CYP20A1: variants seen among roughly 807,000 people sequenced by gnomAD.
The protein encoded by CYP20A1 is cytochrome P450 20A1.
In CYP20A1, 61 loss-of-function variants were observed where a neutral mutation model predicts 61.4. That is an observed-to-expected ratio of 0.99 (90% CI 0.81 to 1.23). The LOEUF is 1.23. Among genes scored for constraint, CYP20A1 ranks in the 50% most tolerant of loss-of-function variants. CYP20A1 has a pLI of 0.00. For missense variants in CYP20A1, 530 were observed against 542.4 expected (o/e 0.98, Z 0.23); for synonymous variants, 193 against 188.2 (o/e 1.03, Z -0.21).
At chr2:203,261,390 T>A (rs943465189) in intron 4 of CYP20A1, among the ~76,000 whole-genome samples, 2 of 151,238 alleles carry the variant, frequency 1.3e-5, no homozygotes, top group African/African-American at 2.4e-5. Flanking sequence ...AGACCCTGTC[T>A]CTACAAAGAA....
intron 11 of CYP20A1, among the ~76,000 whole-genome samples, chr2:203,294,205 C>T (rs1375505745): frequency 6.6e-6 from 1 of 151,794 alleles, no homozygotes. Context: ...GACAGAATCT[C>T]GCTCTATTGC....
In CYP20A1 at chr2:203,305,017, A is replaced by G. The variant is rs1207459219; in HGVS notation, c.*8109A>G. ...TCAGGGAATAGGCTTTTTTAAAGGG[A>G]ATAGACTTATAGATCAATTTTAATA... On this transcript the variant is annotated 3_prime_UTR_variant, in exon 13 of 13. Coordinates refer to ENST00000356079, the MANE Select transcript of CYP20A1 (RefSeq NM_177538.3). 6.6e-6 allele frequency among the ~76,000 whole-genome samples: 1 copy of G among 152,104 alleles called. No individual in the cohort carries two copies. Among genetic ancestry groups the G allele is most frequent in the African/African-American group, 2.4e-5 (1 of 41,410 alleles).
chr2:203,245,024 G>A lies in CYP20A1; in HGVS notation c.73-822G>A, dbSNP rs1185110690. Among the ~76,000 whole-genome samples, 10 of 147,780 alleles carry A rather than the reference G, an allele frequency of 6.8e-5. No homozygotes were observed. In the East Asian group the frequency reaches 2.0e-3, roughly 29 times the overall value. Reference sequence around the variant, plus strand: ...TGGGATTACAGGCGTGAGCCACCACGCCCAGCCTTTTTTTTTTTTTTTTGA... The same window carrying A: ...TGGGATTACAGGCGTGAGCCACCACACCCAGCCTTTTTTTTTTTTTTTTGA... On this transcript the variant is annotated intron_variant, in intron 1 of 12. Coordinates refer to ENST00000356079, the MANE Select transcript of CYP20A1 (RefSeq NM_177538.3).
At position 203,299,786 on chromosome 2, in the gene CYP20A1, A is replaced by G. The variant is rs2068947339; in HGVS notation, c.*2878A>G. On this transcript the variant is annotated 3_prime_UTR_variant, in exon 13 of 13. Transcript: ENST00000356079. ...CTACTCGGGAGGCTGAAGCAGGAGAACTGCTTGAACCTGGGAGGCAGAGGT... is the reference window on the plus strand; with the variant it reads ...CTACTCGGGAGGCTGAAGCAGGAGAGCTGCTTGAACCTGGGAGGCAGAGGT... Among the ~76,000 whole-genome samples, 1 of 152,048 alleles carries G rather than the reference A, an allele frequency of 6.6e-6. No individual in the cohort carries two copies. Among genetic ancestry groups the G allele is most frequent in the Non-Finnish European group, 1.5e-5 (1 of 68,020 alleles).
At chr2:203,245,346 AATT>A (rs953739495) in intron 1 of CYP20A1, among the ~76,000 whole-genome samples, 14 of 143,524 alleles carry the variant, frequency 9.8e-5, no homozygotes, top group African/African-American at 1.3e-4. Flanking sequence ...TTTAAAAAAA[AATT>A]TTTTTTTTTT....
intron 8 of CYP20A1, among the ~76,000 whole-genome samples, chr2:203,284,193 CTTT>C (rs575552272): frequency 2.0e-5 from 3 of 151,906 alleles, no homozygotes; most frequent in African/African-American, 7.3e-5. Flanking sequence ...ATCAGGCAAA[CTTT>C]TTTTTATAAA....
rs1212380911 is a variant in CYP20A1 at position 203,304,584 on chromosome 2, A to G, written c.*7676A>G. On this transcript the variant is annotated 3_prime_UTR_variant, in exon 13 of 13. Coordinates refer to ENST00000356079, the MANE Select transcript of CYP20A1 (RefSeq NM_177538.3). ...TTATATTTTTCCCTGTTCCACATAC[A>G]TACATTTTTACATAGTACGTTCATT... 3.9e-5 allele frequency among the ~76,000 whole-genome samples: 6 copies of G among 152,166 alleles called. No individual in the cohort carries two copies. Among genetic ancestry groups the G allele is most frequent in the Non-Finnish European group, 5.9e-5 (4 of 68,038 alleles).
intron 1 of CYP20A1, 140 bp from the exon 2 acceptor site, chr2:203,245,706 T>C (rs1253002934): frequency 3.9e-6 from 2 of 511,522 alleles, no homozygotes; most frequent in African/African-American, 2.0e-5. Context: ...CCCCTTTTTT[T>C]GTATTTTAAT....
intron 4 of CYP20A1, among the ~76,000 whole-genome samples, chr2:203,253,788 G>T (rs191972598): frequency 1.5e-3 from 233 of 151,902 alleles, no homozygotes; most frequent in African/African-American, 5.0e-3. Flanking sequence ...AAAAAAATTT[G>T]TCTTTTTCTT....
intron 3 of CYP20A1, among the ~76,000 whole-genome samples, chr2:203,250,324 A>G (rs1204600703): frequency 6.6e-6 from 1 of 152,192 alleles, no homozygotes; most frequent in African/African-American, 2.4e-5. Context: ...ACAAATATTA[A>G]CTCATTTAAT....
intron 6 of CYP20A1, among the ~76,000 whole-genome samples, chr2:203,273,764 T>G (rs2067703192): frequency 6.6e-6 from 1 of 152,056 alleles, no homozygotes; most frequent in South Asian, 2.1e-4. Flanking sequence ...GCCAACATAG[T>G]GAAACCCTAC....
intron 3 of CYP20A1, among the ~76,000 whole-genome samples, chr2:203,247,940 T>C (rs904351452): frequency 4.6e-5 from 7 of 151,302 alleles, no homozygotes; most frequent in Non-Finnish European, 1.0e-4. Context: ...AAGAATCTTG[T>C]ATTGGCCAGG....
intron 5 of CYP20A1, 35 bp from the exon 6 acceptor site, chr2:203,272,634 AT>A: frequency 7.3e-7 from 1 of 1,367,496 alleles, no homozygotes; most frequent in Non-Finnish European, 1.0e-6. Context: ...AATTCTACCT[AT>A]TAGATAATAG....
In CYP20A1 at chr2:203,302,077, C is replaced by T. The variant is rs2069046900; in HGVS notation, c.*5169C>T. On this transcript the variant is annotated 3_prime_UTR_variant, in exon 13 of 13. Transcript: ENST00000356079. ...AGTAGCTGGGATTGCAAACATGTGC[C>T]ACCACACCTGGCTAATTTTTGTGTT... 2.6e-5 allele frequency among the ~76,000 whole-genome samples: 4 copies of T among 152,104 alleles called. No homozygotes were observed. The highest frequency in any genetic ancestry group is 2.6e-4 in the Admixed American group (4 of 15,256).
chr2:203,243,411 G>C (rs370393558), intron 1 of CYP20A1, among the ~76,000 whole-genome samples: 6 of 150,052 alleles, frequency 4.0e-5, no homozygotes, highest in African/African-American at 1.2e-4. Context: ...TTTTTTTTTA[G>C]ACAGAGTCTC....
chr2:203,289,676 G>A (rs193044497), intron 9 of CYP20A1, 89 bp from the exon 10 acceptor site: 32 of 556,164 alleles, frequency 5.8e-5, no homozygotes, highest in African/African-American at 5.7e-4. Flanking sequence ...GAATGTTTGA[G>A]CAGTTGTTGA....
chr2:203,274,707 T>C (rs1248391147), intron 6 of CYP20A1, among the ~76,000 whole-genome samples: 3 of 152,052 alleles, frequency 2.0e-5, no homozygotes, highest in Non-Finnish European at 1.5e-5. Flanking sequence ...AGCTTACTGT[T>C]TTAGTGATTT....
rs747576939 is a variant in CYP20A1 at position 203,296,942 on chromosome 2, T to C, written c.*34T>C. On this transcript the variant is annotated 3_prime_UTR_variant, in exon 13 of 13. Coordinates refer to ENST00000356079, the MANE Select transcript of CYP20A1 (RefSeq NM_177538.3). ...ACATTTAAAATCATTGTTAAATTGATTGAGGAAAACAACCATTTAAAAAAA... is the reference window on the plus strand; with the variant it reads ...ACATTTAAAATCATTGTTAAATTGACTGAGGAAAACAACCATTTAAAAAAA... 2.3e-6 allele frequency: 3 copies of C among 1,299,854 alleles called. No homozygotes were observed. Among genetic ancestry groups the C allele is most frequent in the East Asian group, 2.6e-5 (1 of 38,914 alleles). 80.5% of individuals were successfully genotyped at this position (1,299,854 alleles called of 1,614,324 possible).
In CYP20A1 at chr2:203,305,184, C is replaced by T. The variant is rs562608050; in HGVS notation, c.*8276C>T. The stretch of plus-strand genomic sequence containing the variant: ...CTCCCAATTTAATTGGTTTACAGTT[C>T]GGTGGCTGTCTTTTTTTTTTTTTTT... On this transcript the variant is annotated 3_prime_UTR_variant, in exon 13 of 13. Transcript: ENST00000356079. 1.4e-4 allele frequency among the ~76,000 whole-genome samples: 20 copies of T among 139,346 alleles called. 1 individual carries two copies. The South Asian group carries it at 4.4e-3, about 30-fold the overall frequency. 91.4% of individuals were successfully genotyped at this position (139,346 alleles called of 152,430 possible).
Sources: allele counts gnomAD v4.1 joint callset (sites outside exome capture counted in the v4.1 genomes callset), GRCh38; gene constraint gnomAD v4.1.1; transcripts MANE v1.5; gene names NCBI Gene and HGNC (gene_info 2026-07-23, HGNC 2026-07-21).